Variants in WNK1 observed in about 807,000 individuals in gnomAD.
The protein encoded by WNK1 is serine/threonine-protein kinase WNK1.
Under a neutral mutation model 222.8 loss-of-function variants are expected in WNK1, and 38 were observed. That is an observed-to-expected ratio of 0.17 (90% CI 0.13 to 0.22). The LOEUF is 0.22. Among genes scored for constraint, WNK1 ranks in the 10% least tolerant of loss-of-function variants. The pLI, the probability that WNK1 is intolerant of heterozygous loss-of-function variation, is 1.00. For synonymous variants in WNK1, 1,090 were observed against 1,092.9 expected, an observed-to-expected ratio of 1.00 and a Z score of 0.05; for missense variants, 2,348 against 2,918.4, an observed-to-expected ratio of 0.80 and a Z score of 4.50.
chr12:767,439 G>A (rs181737108), intron 1 of WNK1, among the ~76,000 whole-genome samples: 2 of 151,588 alleles, frequency 1.3e-5, no homozygotes, highest in African/African-American at 4.9e-5. Flanking sequence ...TTTTAGTAGA[G>A]ACGGGGTTTC....
intron 1 of WNK1, among the ~76,000 whole-genome samples, chr12:796,514 G>A (rs1945325382): frequency 2.6e-5 from 4 of 152,158 alleles, no homozygotes; most frequent in African/African-American, 9.7e-5. Context: ...AACCTCAGGT[G>A]ATCCACCCAC....
intron 1 of WNK1, among the ~76,000 whole-genome samples, chr12:761,931 G>A (rs906297778): frequency 1.4e-5 from 2 of 147,126 alleles, no homozygotes; most frequent in African/African-American, 4.9e-5. Context: ...GTATACACAG[G>A]AGATTGGTTC....
In WNK1 at chr12:910,931, A is replaced by C. The variant is rs1592289851; in HGVS notation, c.*2139A>C. 5.2e-6 allele frequency: 1 copy of C among 191,010 alleles called. No homozygotes were observed. The highest frequency in any genetic ancestry group is 1.2e-4 in the East Asian group (1 of 8,076). 11.8% of individuals were successfully genotyped at this position (191,010 alleles called of 1,614,324 possible). A position where few individuals can be genotyped will look rare whatever the true frequency, so the allele number is the denominator to read the frequency against. ...TTTCTTGTGGAGAGAGTAAGGATAG[A>C]ACCAACAAGGGGCTGAGTAGCTGAG... On this transcript the variant is annotated 3_prime_UTR_variant, in exon 28 of 28. Transcript: ENST00000315939.
At chr12:907,410 A>G (rs897774198) in intron 26 of WNK1, among the ~76,000 whole-genome samples, 1 of 151,574 alleles carries the variant, frequency 6.6e-6, no homozygotes, top group African/African-American at 2.4e-5. Flanking sequence ...ATCTTTTCCT[A>G]CTCCTACTTT....
In WNK1 at chr12:868,004, C is replaced by T. The variant is rs200794710; in HGVS notation, c.2140-3261C>T. The T allele has an allele frequency of 2.2e-4, 348 of 1,613,992 alleles. No homozygotes were observed. The highest frequency in any genetic ancestry group is 8.2e-4 in the Middle Eastern group (5 of 6,062). On this transcript the variant is annotated intron_variant, in intron 8 of 27. Transcript: ENST00000315939. ...ACCGAAAGTAGCCATTTCCCAGCGG[C>T]GTAAGAGCACCTCCTTCCTGGAAGC... is the stretch of plus-strand genomic sequence containing the variant.
chr12:767,493 C>T (rs867785800), intron 1 of WNK1, among the ~76,000 whole-genome samples: 1 of 151,494 alleles, frequency 6.6e-6, no homozygotes, highest in Non-Finnish European at 1.5e-5. Context: ...CCCCGTGATC[C>T]ACCCTCCTTG....
At chr12:825,218 A>C (rs1344815571) in intron 2 of WNK1, among the ~76,000 whole-genome samples, 1 of 152,146 alleles carries the variant, frequency 6.6e-6, no homozygotes, top group Non-Finnish European at 1.5e-5. Context: ...ATCCAGCATG[A>C]CTGTTTTGAT....
chr12:777,915 G>A lies in WNK1; in HGVS notation c.759+23591G>A, dbSNP rs555192546. Among the ~76,000 whole-genome samples, 31 of 152,230 alleles carry A rather than the reference G, an allele frequency of 2.0e-4. No individual in the cohort carries two copies. The East Asian group carries it at 5.2e-3, about 26-fold the overall frequency. ...GTCATATTAAACACAAGCTTCATGC[G>A]GTAAATGTGACTCTAAAACATAATC... On this transcript the variant is annotated intron_variant, in intron 1 of 27. Coordinates refer to ENST00000315939, the MANE Select transcript of WNK1 (RefSeq NM_018979.4).
chr12:860,783 G>A (rs1029625001), intron 6 of WNK1, among the ~76,000 whole-genome samples: 2 of 152,086 alleles, frequency 1.3e-5, no homozygotes, highest in Admixed American at 6.5e-5. Context: ...CCTACCCTTC[G>A]AGTTTCTGCA....
At chr12:757,311 T>C (rs1418641758) in intron 1 of WNK1, among the ~76,000 whole-genome samples, 6 of 66,592 alleles carry the variant, frequency 9.0e-5, no homozygotes, top group African/African-American at 2.7e-4. Flanking sequence ...CATCAATTCT[T>C]TTTTTTTTTT....
In WNK1 at chr12:896,213, C is replaced by T. The variant is rs548442202; in HGVS notation, c.5726C>T (p.Pro1909Leu). 2.2e-5 allele frequency: 35 copies of T among 1,614,022 alleles called. No individual in the cohort carries two copies. The highest frequency in any genetic ancestry group is 1.6e-4 in the Middle Eastern group (1 of 6,084). ...GAGAGTACCTTGGTGAAACCAGAGC[C>T]GAATGGCATAACCATCCCTGGTATC... Reference protein sequence around the residue: ...SPESTLVKPEPNGITIPGISS... With the variant: ...SPESTLVKPELNGITIPGISS... The change falls in exon 24 of 28, where the codon CCG becomes CTG. Residue 1909 changes from proline to leucine, a missense_variant. This residue lies in a region of WNK1 where 1,144 missense variants were observed against 1,273.6 expected (regional missense o/e 0.90). Transcript: ENST00000315939.
Position 884,344 on chromosome 12 carries a change from T to C in WNK1, c.3844+101T>C. The C allele has an allele frequency of 1.3e-6, 2 of 1,536,738 alleles. No individual in the cohort carries two copies. Among genetic ancestry groups the C allele is most frequent in the Non-Finnish European group, 1.8e-6 (2 of 1,117,490 alleles). ...CAGTAATTTATGATGACACAGATAA[T>C]AAAAAAGAATAGAAAACTGAAGTTA... On this transcript the variant is annotated intron_variant, in intron 18 of 27. Coordinates refer to ENST00000315939, the MANE Select transcript of WNK1 (RefSeq NM_018979.4). This position sits in a 1 kb window ranked among gnomAD's most constrained non-coding sequence, Gnocchi z 5.6.
chr12:799,214 C>G (rs1411090650), intron 1 of WNK1, among the ~76,000 whole-genome samples: 1 of 152,048 alleles, frequency 6.6e-6, no homozygotes, highest in Non-Finnish European at 1.5e-5. Context: ...GCCTCAACCT[C>G]CTGGGCTCAA....
At chr12:830,936 A>G (rs1751946859) in intron 4 of WNK1, among the ~76,000 whole-genome samples, 1 of 152,228 alleles carries the variant, frequency 6.6e-6, no homozygotes, top group African/African-American at 2.4e-5. Context: ...TGTAGTTCTT[A>G]ATCTAGAACT....
intron 1 of WNK1, among the ~76,000 whole-genome samples, chr12:771,982 A>C (rs906624933): frequency 1.3e-5 from 2 of 150,894 alleles, no homozygotes; most frequent in African/African-American, 4.9e-5. Flanking sequence ...TTTTTTTTGC[A>C]TAAGGGCCTT....
Position 753,237 on chromosome 12 carries a change from T to C in WNK1, c.-329T>C. On this transcript the variant is annotated 5_prime_UTR_variant, in exon 1 of 28. Transcript: ENST00000315939. The surrounding 1 kb of genome is among the most constrained non-coding windows in gnomAD (Gnocchi z 5.2). ...GCCCTCCCCTCATGACTGCGGCGCC[T>C]CTGCTGCCACCGCCCGCCCGGCCGC... 6.5e-6 allele frequency: 2 copies of C among 306,780 alleles called. No individual in the cohort carries two copies. Among genetic ancestry groups the C allele is most frequent in the Non-Finnish European group, 6.1e-6 (1 of 164,796 alleles). The allele number at this position is 306,780 out of a possible 1,614,324, so 19.0% of individuals were successfully genotyped here. A position where few individuals can be genotyped will look rare whatever the true frequency, so the allele number is the denominator to read the frequency against.
intron 26 of WNK1, chr12:906,384 T>TAA (rs1955701013): frequency 1.0e-6 from 1 of 985,084 alleles, no homozygotes; most frequent in South Asian, 4.7e-5. Context: ...ACCGCAGAAA[T>TAA]AGAGTTCCTT....
At chr12:848,463 T>C (rs542254439) in intron 4 of WNK1, among the ~76,000 whole-genome samples, 1 of 151,424 alleles carries the variant, frequency 6.6e-6, no homozygotes, top group Admixed American at 6.6e-5. Context: ...ACAAAAACAA[T>C]GACTTGTGAG....
rs1953180422 is a variant in WNK1 at position 881,736 on chromosome 12, A to G, written c.3156A>G (p.Ala1052=). 2 of 1,614,096 alleles carry G rather than the reference A, an allele frequency of 1.2e-6. No individual in the cohort carries two copies. The highest frequency in any genetic ancestry group is 1.7e-5 in the Admixed American group (1 of 59,998). Residue 1052 remains alanine (A), a synonymous_variant, in exon 13 of 28, where the codon GCA becomes GCG. Coordinates refer to ENST00000315939, the MANE Select transcript of WNK1 (RefSeq NM_018979.4). ...VSQVAPAEPV[A]VAQTQATQPT... is the part of the protein sequence containing the mutation. ...AGGTTGCTCCTGCAGAGCCAGTTGC[A>G]GTAGCACAGACCCAAGCTACCCAGC...
Sources: gnomAD v4.1 joint callset for allele counts (sites outside exome capture counted in the v4.1 genomes callset) on GRCh38, gnomAD v4.1.1 for gene constraint, gnomAD v4.1.1 regional missense constraint, Gnocchi (gnomAD v3.1) non-coding constraint, MANE v1.5 for transcripts, NCBI Gene and HGNC (gene_info 2026-07-23, HGNC 2026-07-21) for gene names.